The following UGT1A7 variants were observed in gnomAD, a reference collection of about 807,000 sequenced individuals.
UGT1A7 encodes UDP glucuronosyltransferase family 1 member A7, also known as UDP-glucuronosyltransferase 1A7.
A neutral mutation model predicts 45.6 loss-of-function variants in UGT1A7; 33 were observed. The observed-to-expected ratio is 0.72, with a 90% CI of 0.55 to 0.97. The LOEUF (loss-of-function observed/expected upper bound fraction) is 0.97. UGT1A7 is among the 50% of genes least tolerant of loss of function. The pLI, the probability that UGT1A7 is intolerant of heterozygous loss-of-function variation, is 0.00. For synonymous variants in UGT1A7, 274 were observed against 250.6 expected (o/e 1.09, Z -0.88); for missense variants, 684 against 666.2 (o/e 1.03, Z -0.29).
At chr2:233,710,322 C>T (rs2076126104) in intron 1 of UGT1A7, among the ~76,000 whole-genome samples, 1 of 152,166 alleles carries the variant, frequency 6.6e-6, no homozygotes, top group Non-Finnish European at 1.5e-5. Flanking sequence ...GTATGTATGA[C>T]TTCATAAGAA....
In UGT1A7 at chr2:233,772,491, T is replaced by C; in HGVS notation, c.1525T>C (p.Tyr509His). The C allele has an allele frequency of 6.2e-7, 1 of 1,614,160 alleles. No homozygotes were observed. Among genetic ancestry groups the C allele is most frequent in the South Asian group, 1.1e-5 (1 of 91,082 alleles). Reference sequence around the variant, plus strand: ...CTTCATCACCTTTAAATGTTGTGCTTATGGCTACCGGAAATGCTTGGGGAA... The same window carrying C: ...CTTCATCACCTTTAAATGTTGTGCTCATGGCTACCGGAAATGCTTGGGGAA... ...VAFITFKCCA[Y>H]GYRKCLGKKG... Residue 509 changes from tyrosine to histidine, a missense_variant, in exon 5 of 5, where the codon TAT becomes CAT. Physicochemically the swap from Tyr to His is moderately conservative, Grantham distance 83 (BLOSUM62 2). Coordinates refer to ENST00000373426, the MANE Select transcript of UGT1A7 (RefSeq NM_019077.3).
At position 233,713,454 on chromosome 2, in the gene UGT1A7, C is replaced by A. The variant is rs776428029; in HGVS notation, c.855+30662C>A. 66 of 1,614,072 alleles carry A rather than the reference C, an allele frequency of 4.1e-5. 1 individual carries two copies. The highest frequency in any genetic ancestry group is 3.1e-4 in the South Asian group (28 of 91,036). ...TGATGTGGTTCTAACAGACCCCTTTCACCTCTGCGCGGCGGTGCTGGCTAA... is the reference window on the plus strand; with the variant it reads ...TGATGTGGTTCTAACAGACCCCTTTAACCTCTGCGCGGCGGTGCTGGCTAA... On this transcript the variant is annotated intron_variant, in intron 1 of 4. Transcript: ENST00000373426.
At chr2:233,747,247 C>T in intron 1 of UGT1A7, 1 of 1,601,894 alleles carries the variant, frequency 6.2e-7, no homozygotes, top group Non-Finnish European at 8.5e-7. Context: ...CCTGCTGTGG[C>T]TGGCCACAGG....
At chr2:233,697,548 GTTTA>G (rs1421129202) in intron 1 of UGT1A7, among the ~76,000 whole-genome samples, 1 of 142,316 alleles carries the variant, frequency 7.0e-6, no homozygotes, top group Non-Finnish European at 1.5e-5. Context: ...TCTTTGCATT[GTTTA>G]TTTAGCCTCA....
chr2:233,691,858 T>G (rs966691161), intron 1 of UGT1A7: 1 of 157,408 alleles, frequency 6.4e-6, no homozygotes, highest in Non-Finnish European at 1.4e-5. Context: ...TTGTGATGTA[T>G]AATAAGAAAT....
At chr2:233,683,966 G>A (rs2074657666) in intron 1 of UGT1A7, among the ~76,000 whole-genome samples, 1 of 152,090 alleles carries the variant, frequency 6.6e-6, no homozygotes, top group Non-Finnish European at 1.5e-5. Flanking sequence ...ATTAGGATTT[G>A]GTCACTTGCA....
At chr2:233,743,209 T>C (rs879874451) in intron 1 of UGT1A7, 11 of 398,276 alleles carry the variant, frequency 2.8e-5, no homozygotes, top group Admixed American at 1.6e-4. Context: ...CAATGCGGAG[T>C]AACTGCTCTT....
intron 1 of UGT1A7, among the ~76,000 whole-genome samples, chr2:233,764,749 G>A (rs2126012049): frequency 6.6e-6 from 1 of 152,298 alleles, no homozygotes; most frequent in East Asian, 1.9e-4. Flanking sequence ...GAGATGTGGT[G>A]CAGACCCTAG....
At chr2:233,741,956 CTTG>C (rs1315214944) in intron 1 of UGT1A7, 1 of 151,862 alleles carries the variant, frequency 6.6e-6, no homozygotes, top group East Asian at 1.9e-4. Flanking sequence ...AAGGTACTTT[CTTG>C]TTGTGTTTAT....
At position 233,731,325 on chromosome 2, in the gene UGT1A7, G is replaced by A. The variant is rs28898622; in HGVS notation, c.856-35709G>A. Among the ~76,000 whole-genome samples, 886 of 147,182 alleles carry A rather than the reference G, an allele frequency of 6.0e-3. 61 individuals carry two copies. In the East Asian group the frequency reaches 0.15, roughly 25 times the overall value. On this transcript the variant is annotated intron_variant, in intron 1 of 4. Transcript: ENST00000373426. The stretch of plus-strand genomic sequence containing the variant: ...TTATACTTTAAGTTCTAGGGTACAT[G>A]TGCACAAATTGCAGGTTTGATACAT...
chr2:233,747,437 C>A, intron 1 of UGT1A7: 2 of 1,608,846 alleles, frequency 1.2e-6, no homozygotes, highest in Non-Finnish European at 1.7e-6. Flanking sequence ...AGAAATTTTT[C>A]ACCCTGACAA....
chr2:233,743,768 G>C lies in UGT1A7; in HGVS notation c.856-23266G>C, dbSNP rs1559387872. The C allele has an allele frequency of 2.9e-6, 4 of 1,367,228 alleles. No individual in the cohort carries two copies. In the African/African-American group the frequency reaches 5.9e-5, roughly 20 times the overall value. 84.7% of individuals were successfully genotyped at this position (1,367,228 alleles called of 1,614,324 possible). A position where few individuals can be genotyped will look rare whatever the true frequency, so the allele number is the denominator to read the frequency against. ...GTCCGACAACACCTCGTAGGCCTCGGCCACCTGCTTGAATCTCCTCTCCGC... is the reference window on the plus strand; with the variant it reads ...GTCCGACAACACCTCGTAGGCCTCGCCCACCTGCTTGAATCTCCTCTCCGC... On this transcript the variant is annotated intron_variant, in intron 1 of 4. Coordinates refer to ENST00000373426, the MANE Select transcript of UGT1A7 (RefSeq NM_019077.3).
At chr2:233,686,167 T>C (rs1171566476) in intron 1 of UGT1A7, among the ~76,000 whole-genome samples, 2 of 151,930 alleles carry the variant, frequency 1.3e-5, no homozygotes, top group African/African-American at 2.4e-5. Flanking sequence ...AAGACCTAAA[T>C]AGAAAATCTA....
At chr2:233,754,325 C>T (rs537557157) in intron 1 of UGT1A7, 54 of 246,030 alleles carry the variant, frequency 2.2e-4, no homozygotes, top group African/African-American at 1.1e-3. Flanking sequence ...CTGCCTCAGG[C>T]TTAAGTTTAA....
At chr2:233,757,644 C>A (rs1202656622) in intron 1 of UGT1A7, among the ~76,000 whole-genome samples, 2 of 149,758 alleles carry the variant, frequency 1.3e-5, no homozygotes, top group African/African-American at 4.9e-5. Flanking sequence ...GAACAAAATG[C>A]TGTTTTTCTG....
At chr2:233,715,374 C>CGT (rs2076448384) in intron 1 of UGT1A7, among the ~76,000 whole-genome samples, 1 of 152,106 alleles carries the variant, frequency 6.6e-6, no homozygotes, top group South Asian at 2.1e-4. Context: ...ATTTTCTTCA[C>CGT]AGTTTGCTGT....
At chr2:233,725,722 A>G (rs368612917) in intron 1 of UGT1A7, among the ~76,000 whole-genome samples, 6 of 152,340 alleles carry the variant, frequency 3.9e-5, no homozygotes, top group African/African-American at 1.2e-4. Flanking sequence ...CATATGGTCA[A>G]TGTTTACAAA....
At chr2:233,749,490 C>A (rs1026732516) in intron 1 of UGT1A7, among the ~76,000 whole-genome samples, 4 of 151,770 alleles carry the variant, frequency 2.6e-5, no homozygotes, top group Non-Finnish European at 5.9e-5. Flanking sequence ...TCTTGCTATG[C>A]CCCTTAGAGA....
intron 1 of UGT1A7, among the ~76,000 whole-genome samples, chr2:233,754,050 C>A (rs1695383266): frequency 6.6e-6 from 1 of 152,230 alleles, no homozygotes; most frequent in Non-Finnish European, 1.5e-5. Flanking sequence ...GCCAGGTTTA[C>A]CTGCTTTTAT....
Sources: allele counts gnomAD v4.1 joint callset (sites outside exome capture counted in the v4.1 genomes callset), GRCh38; gene constraint gnomAD v4.1.1; transcripts MANE v1.5; gene names NCBI Gene and HGNC (gene_info 2026-07-23, HGNC 2026-07-21).